GCNT2: variants seen among roughly 807,000 people sequenced by gnomAD.
The protein encoded by GCNT2 is glucosaminyl (N-acetyl) transferase 2 (I blood group), also known as N-acetyllactosaminide beta-1,6-N-acetylglucosaminyl-transferase.
GCNT2 carries 34 observed loss-of-function variants against 34.2 expected under a neutral mutation model. The ratio of observed to expected loss-of-function variants is 1.00; its 90% CI spans 0.76 to 1.32. The LOEUF is 1.32. Among genes scored for constraint, GCNT2 ranks in the 40% most tolerant of loss-of-function variants. GCNT2 has a pLI of 0.00. For synonymous variants in GCNT2, 212 were observed against 188.0 expected (o/e 1.13, Z -1.04); for missense variants, 584 against 489.4 (o/e 1.19, Z -1.82).
At chr6:10,533,989 G>T (rs990001586) in intron 3 of GCNT2, among the ~76,000 whole-genome samples, 1 of 151,304 alleles carries the variant, frequency 6.6e-6, no homozygotes, top group Non-Finnish European at 1.5e-5. Context: ...ATGTCGCAGA[G>T]TCTCCACCTC....
At chr6:10,563,575 C>T in intron 3 of GCNT2, among the ~76,000 whole-genome samples, 1 of 151,358 alleles carries the variant, frequency 6.6e-6, no homozygotes, top group Non-Finnish European at 1.5e-5. Context: ...AATGCCTTCT[C>T]TACTAAAAAT....
At chr6:10,621,314 C>G in intron 3 of GCNT2, 37 bp from the exon 4 acceptor site, 6 of 1,310,206 alleles carry the variant, frequency 4.6e-6, no homozygotes, top group Non-Finnish European at 6.6e-6. Context: ...TCTCTCATGA[C>G]TCTCATCTCT....
chr6:10,526,656 C>G (rs1389294645), intron 1 of GCNT2, among the ~76,000 whole-genome samples: 1 of 152,140 alleles, frequency 6.6e-6, no homozygotes, highest in African/African-American at 2.4e-5. Context: ...CCCGCCTTGG[C>G]CTCCCAAAAG....
At chr6:10,577,701 C>T (rs966651410) in intron 3 of GCNT2, among the ~76,000 whole-genome samples, 4 of 151,922 alleles carry the variant, frequency 2.6e-5, no homozygotes, top group Admixed American at 6.6e-5. Flanking sequence ...CCACCATGCC[C>T]AGTTAATTTT....
chr6:10,561,586 A>G (rs1322791129), intron 3 of GCNT2, among the ~76,000 whole-genome samples: 1 of 152,174 alleles, frequency 6.6e-6, no homozygotes, highest in African/African-American at 2.4e-5. Context: ...TCTTCTTCCC[A>G]GTCCATTCCC....
intron 3 of GCNT2, among the ~76,000 whole-genome samples, chr6:10,608,932 A>C (rs1040871470): frequency 6.6e-6 from 1 of 152,172 alleles, no homozygotes. Flanking sequence ...AGGTGAATGA[A>C]ACACGTTGGG....
intron 3 of GCNT2, among the ~76,000 whole-genome samples, chr6:10,540,251 TA>T (rs1489258361): frequency 6.6e-6 from 1 of 152,162 alleles, no homozygotes; most frequent in Non-Finnish European, 1.5e-5. Flanking sequence ...TACCAGGAAG[TA>T]GCATTCTGTG....
At chr6:10,607,786 C>T (rs994616467) in intron 3 of GCNT2, among the ~76,000 whole-genome samples, 1 of 152,084 alleles carries the variant, frequency 6.6e-6, no homozygotes, top group Admixed American at 6.6e-5. Context: ...ATGTACCGAG[C>T]GCCATTCAGA....
rs1042074179 is a variant in GCNT2, at chr6:10,540,692, A to G, written c.925+10856A>G. 2.0e-5 allele frequency among the ~76,000 whole-genome samples: 3 copies of G among 152,216 alleles called. 1 individual carries two copies. The highest frequency in any genetic ancestry group is 4.4e-5 in the Non-Finnish European group (3 of 68,034). ...GAGAAATGGAAGAGAAATCGTCTGC[A>G]TGTCTAATAAGATGTTCTCTACAAG... On this transcript the variant is annotated intron_variant, in intron 3 of 4. Transcript: ENST00000495262.
At chr6:10,541,524 T>C (rs1435612261) in intron 3 of GCNT2, among the ~76,000 whole-genome samples, 4 of 152,232 alleles carry the variant, frequency 2.6e-5, no homozygotes, top group Admixed American at 6.5e-5. Flanking sequence ...TTTGGATCTA[T>C]GGGATCGCTG....
At chr6:10,598,621 G>A (rs1392212678) in intron 3 of GCNT2, among the ~76,000 whole-genome samples, 1 of 152,190 alleles carries the variant, frequency 6.6e-6, no homozygotes, top group Non-Finnish European at 1.5e-5. Context: ...TGAGTACCAA[G>A]TACTTACACA....
chr6:10,563,132 G>T (rs1429671543), intron 3 of GCNT2, among the ~76,000 whole-genome samples: 1 of 152,086 alleles, frequency 6.6e-6, no homozygotes, highest in Non-Finnish European at 1.5e-5. Context: ...TCCAGCCTGG[G>T]CAACAGAGTG....
chr6:10,600,883 C>A (rs1224435677), intron 3 of GCNT2, among the ~76,000 whole-genome samples: 2 of 152,106 alleles, frequency 1.3e-5, no homozygotes, highest in Non-Finnish European at 2.9e-5. Context: ...CTCCACCTCC[C>A]AGGCTTAAGC....
At chr6:10,589,578 G>T (rs1764546118) in intron 3 of GCNT2, among the ~76,000 whole-genome samples, 1 of 152,074 alleles carries the variant, frequency 6.6e-6, no homozygotes, top group Admixed American at 6.6e-5. Context: ...CTTTGGTCTG[G>T]GCCAGTGGCA....
Position 10,529,739 on chromosome 6 carries a change from C to T in GCNT2, c.828C>T (p.Phe276=), listed in dbSNP as rs532935757. The T allele has an allele frequency of 2.4e-5, 39 of 1,614,006 alleles. 1 individual carries two copies. The highest frequency in any genetic ancestry group is 3.0e-5 in the Non-Finnish European group (35 of 1,179,968). The change falls in exon 3 of 5, where the codon TTC becomes TTT. Residue 276 remains phenylalanine (F), a synonymous_variant. Transcript: ENST00000495262. The part of the protein sequence containing the change: ...YVALTRDFAN[F]VLQDQLALDL... ...CTCTCACAAGGGACTTTGCTAACTTCGTCCTCCAAGACCAGCTCGCACTTG... is the reference window on the plus strand; with the variant it reads ...CTCTCACAAGGGACTTTGCTAACTTTGTCCTCCAAGACCAGCTCGCACTTG...
intron 3 of GCNT2, among the ~76,000 whole-genome samples, chr6:10,557,547 G>A (rs1762781595): frequency 6.6e-6 from 1 of 151,794 alleles, no homozygotes; most frequent in Non-Finnish European, 1.5e-5. Flanking sequence ...GAGTGCAGGG[G>A]CAACATCATG....
chr6:10,576,653 T>C (rs560780), intron 3 of GCNT2, among the ~76,000 whole-genome samples: 4,453 of 151,956 alleles, frequency 0.029, 194 homozygotes, highest in African/African-American at 0.098. Context: ...GAAAGAGGGC[T>C]TTTCAATAGG....
At chr6:10,581,761 T>C (rs911557147) in intron 3 of GCNT2, 16 of 985,282 alleles carry the variant, frequency 1.6e-5, no homozygotes, top group Non-Finnish European at 1.8e-5. Context: ...GAACCTGCAA[T>C]AGAAGACCTT....
intron 3 of GCNT2, among the ~76,000 whole-genome samples, chr6:10,601,943 G>GAAAAAAAAA (rs57927445): frequency 8.8e-6 from 1 of 113,048 alleles, no homozygotes; most frequent in African/African-American, 3.5e-5. Flanking sequence ...TCCATCTCAA[G>GAAAAAAAAA]AAAAAAAAAA....
Sources: allele counts gnomAD v4.1 joint callset (sites outside exome capture counted in the v4.1 genomes callset), GRCh38; gene constraint gnomAD v4.1.1; transcripts MANE v1.5; gene names NCBI Gene and HGNC (gene_info 2026-07-23, HGNC 2026-07-21).